The following DNAAF9 variants were observed in gnomAD, a reference collection of about 807,000 sequenced individuals.
DNAAF9 encodes shulin.
A neutral mutation model predicts 167.0 loss-of-function variants in DNAAF9; 90 were observed. The observed-to-expected ratio is 0.54, with a 90% confidence interval of 0.45 to 0.64. The LOEUF is 0.64. DNAAF9 is among the 30% of genes least tolerant of loss of function. DNAAF9 has a pLI of 0.00. For missense variants in DNAAF9, 1,315 were observed against 1,442.2 expected (o/e 0.91, Z 1.43); for synonymous variants, 491 against 508.8 (o/e 0.96, Z 0.47).
intron 1 of DNAAF9, among the ~76,000 whole-genome samples, chr20:3,383,066 G>A (rs974592543): frequency 7.9e-5 from 12 of 152,004 alleles, no homozygotes; most frequent in Admixed American, 2.0e-4. Flanking sequence ...TTCAGCCCTA[G>A]GGACAGCCGT....
intron 9 of DNAAF9, among the ~76,000 whole-genome samples, chr20:3,341,429 G>A (rs1016380350): frequency 7.2e-5 from 11 of 151,996 alleles, no homozygotes; most frequent in Admixed American, 6.6e-5. Context: ...CCTGGTCTCC[G>A]AATAGTCCCA....
At chr20:3,406,330 G>A (rs1219280884) in intron 1 of DNAAF9, among the ~76,000 whole-genome samples, 1 of 152,180 alleles carries the variant, frequency 6.6e-6, no homozygotes, top group African/African-American at 2.4e-5. Context: ...GTTTTAACAT[G>A]TAGATTGGCA....
chr20:3,401,177 C>G (rs1291472588), intron 1 of DNAAF9, among the ~76,000 whole-genome samples: 1 of 152,130 alleles, frequency 6.6e-6, no homozygotes, highest in Non-Finnish European at 1.5e-5. Flanking sequence ...AAAGTGCTTT[C>G]TCTAGAGTAT....
chr20:3,265,219 C>A (rs891128016), intron 30 of DNAAF9, among the ~76,000 whole-genome samples: 2 of 152,108 alleles, frequency 1.3e-5, no homozygotes, highest in Non-Finnish European at 2.9e-5. Flanking sequence ...GAACATACAT[C>A]CACTTTCAAA....
At chr20:3,329,910 G>C (rs1029852513) in intron 12 of DNAAF9, among the ~76,000 whole-genome samples, 4 of 152,200 alleles carry the variant, frequency 2.6e-5, no homozygotes, top group African/African-American at 9.7e-5. Flanking sequence ...TTCTGAGGTT[G>C]CACAGCCAGT....
At chr20:3,295,980 C>G (rs1269595884) in intron 23 of DNAAF9, 2 of 1,572,410 alleles carry the variant, frequency 1.3e-6, no homozygotes, top group Non-Finnish European at 1.7e-6. Context: ...AGGCATTTCA[C>G]TTTGGGAGGC....
chr20:3,343,860 C>T (rs13044493), intron 8 of DNAAF9, 129 bp from the exon 9 acceptor site: 159 of 545,082 alleles, frequency 2.9e-4, no homozygotes, highest in Middle Eastern at 4.5e-4. Flanking sequence ...TGTGTGTGTG[C>T]GTGTGTGCAT....
intron 6 of DNAAF9, among the ~76,000 whole-genome samples, chr20:3,369,188 TA>T (rs1568632526): frequency 6.6e-6 from 1 of 152,144 alleles, no homozygotes; most frequent in African/African-American, 2.4e-5. Flanking sequence ...CGGACAGATT[TA>T]AGGGTTTTTT....
intron 10 of DNAAF9, among the ~76,000 whole-genome samples, chr20:3,336,018 G>A (rs1600808657): frequency 6.6e-6 from 1 of 152,096 alleles, no homozygotes; most frequent in East Asian, 1.9e-4. Flanking sequence ...AGCTACTTAG[G>A]AGGCTGAGGC....
At chr20:3,326,389 A>T in intron 12 of DNAAF9, 105 bp from the exon 13 acceptor site, 1 of 807,006 alleles carries the variant, frequency 1.2e-6, no homozygotes, top group South Asian at 1.6e-5. Flanking sequence ...TTTTAAACAG[A>T]ATGAAAAAAG....
chr20:3,394,084 A>T (rs239486), intron 1 of DNAAF9, among the ~76,000 whole-genome samples: 113,049 of 152,118 alleles, frequency 0.74, 42,211 homozygotes, highest in African/African-American at 0.82. Flanking sequence ...CCGCCTGTAA[A>T]CCCAGAACTT....
chr20:3,283,646 G>A (rs1040727), intron 27 of DNAAF9, among the ~76,000 whole-genome samples: 25,289 of 152,232 alleles, frequency 0.17, 2,271 homozygotes, highest in Non-Finnish European at 0.19. Flanking sequence ...GCTGGCGTGT[G>A]CATGCTGTTC....
At chr20:3,295,947 T>C in intron 23 of DNAAF9, 2 of 1,580,212 alleles carry the variant, frequency 1.3e-6, no homozygotes, top group South Asian at 1.1e-5. Flanking sequence ...GTCTCTGTGA[T>C]GTTGGGGTGC....
chr20:3,259,956 G>A lies in DNAAF9; in HGVS notation c.2946C>T (p.Pro982=). ...MVQICVWFGR[P]LEKTRFVAKC... ...TGGCCACAAAGCGAGTCTTCTCCAAGGGACGGCCAAACCATACGCAGATCT... is the reference window on the plus strand; with the variant it reads ...TGGCCACAAAGCGAGTCTTCTCCAAAGGACGGCCAAACCATACGCAGATCT... Residue 982 remains proline (P), a synonymous_variant, in exon 32 of 37, where the codon CCC becomes CCT. Coordinates refer to ENST00000252032, the MANE Select transcript of DNAAF9 (RefSeq NM_001009984.3). 6.2e-7 allele frequency: 1 copy of A among 1,612,120 alleles called. No individual in the cohort carries two copies. The highest frequency in any genetic ancestry group is 1.7e-5 in the Admixed American group (1 of 60,026).
intron 6 of DNAAF9, among the ~76,000 whole-genome samples, chr20:3,365,251 A>G (rs569500517): frequency 3.3e-5 from 5 of 152,222 alleles, no homozygotes; most frequent in Admixed American, 2.6e-4. Flanking sequence ...CTAGGATTAC[A>G]GGCACAATCC....
At chr20:3,314,950 A>G (rs2123028742) in intron 20 of DNAAF9, 83 bp downstream of exon 20, 1 of 758,858 alleles carries the variant, frequency 1.3e-6, no homozygotes, top group East Asian at 2.5e-5. Flanking sequence ...TAGAAGATGT[A>G]TTATTAATTA....
intron 8 of DNAAF9, among the ~76,000 whole-genome samples, chr20:3,347,381 A>G (rs1215122456): frequency 6.6e-6 from 1 of 152,204 alleles, no homozygotes; most frequent in Non-Finnish European, 1.5e-5. Flanking sequence ...GAAGATTAAT[A>G]CCACAAAAAA....
At chr20:3,285,681 TAAA>T (rs774457454) in intron 27 of DNAAF9, among the ~76,000 whole-genome samples, 2 of 103,890 alleles carry the variant, frequency 1.9e-5, no homozygotes, top group Non-Finnish European at 2.0e-5. Flanking sequence ...TCTGTCTCAT[TAAA>T]AAAAAAAAAA....
intron 1 of DNAAF9, among the ~76,000 whole-genome samples, chr20:3,393,180 T>C (rs772697962): frequency 1.3e-5 from 2 of 152,150 alleles, no homozygotes; most frequent in Non-Finnish European, 2.9e-5. Flanking sequence ...ATTTATTTAT[T>C]TATTTATTTA....
Sources: allele counts gnomAD v4.1 joint callset (sites outside exome capture counted in the v4.1 genomes callset), GRCh38; gene constraint gnomAD v4.1.1; transcripts MANE v1.5; gene names NCBI Gene and HGNC (gene_info 2026-07-23, HGNC 2026-07-21).